The following CCNT1 variants were observed in gnomAD, a reference collection of about 807,000 sequenced individuals.
The protein encoded by CCNT1 is cyclin-T1.
CCNT1 carries 18 observed loss-of-function variants against 67.3 expected under a neutral mutation model. The ratio of observed to expected loss-of-function variants is 0.27; its 90% confidence interval spans 0.18 to 0.40. The LOEUF (loss-of-function observed/expected upper bound fraction) is 0.40. CCNT1 is among the 10% of genes least tolerant of loss of function. The probability of loss-of-function intolerance (pLI) is 1.00; values close to 1 mark genes in which losing one functional copy is unlikely to be tolerated. For synonymous variants in CCNT1, 333 were observed against 310.3 expected, an observed-to-expected ratio of 1.07 and a Z score of -0.77; for missense variants, 744 against 884.9, an observed-to-expected ratio of 0.84 and a Z score of 2.02.
chr12:48,693,269 G>A lies in CCNT1; in HGVS notation c.1945C>T (p.His649Tyr). The change falls in exon 9 of 9, where the codon CAC becomes TAC. Residue 649 changes from histidine (H) to tyrosine (Y), a missense_variant. His to Tyr is a moderately conservative substitution (Grantham distance 83, BLOSUM62 2). Transcript: ENST00000261900. ...TAGTCTATTGTCTGGGTCGTGTTGT[G>A]ACCATTGGCCCCAGTGGGCCCTTTA... Reference protein sequence around the residue: ...LDKGPTGANGHNTTQTIDYQD... With the variant: ...LDKGPTGANGYNTTQTIDYQD... The A allele has an allele frequency of 6.2e-7, 1 of 1,614,222 alleles. No individual in the cohort carries two copies. Among genetic ancestry groups the A allele is most frequent in the Non-Finnish European group, 8.5e-7 (1 of 1,180,038 alleles).
chr12:48,700,738 G>T (rs1460491553), intron 4 of CCNT1, among the ~76,000 whole-genome samples: 3 of 151,560 alleles, frequency 2.0e-5, no homozygotes, highest in African/African-American at 4.9e-5. Context: ...TATAATTTTT[G>T]GGGGTAAAAA....
chr12:48,707,862 A>T (rs1416426892), intron 2 of CCNT1, among the ~76,000 whole-genome samples: 1 of 151,728 alleles, frequency 6.6e-6, no homozygotes, highest in Non-Finnish European at 1.5e-5. Flanking sequence ...ATTCAAGACC[A>T]GCCCGGCCAA....
chr12:48,704,215 CTA>C (rs1164327179), intron 3 of CCNT1, among the ~76,000 whole-genome samples: 1 of 152,150 alleles, frequency 6.6e-6, no homozygotes, highest in Admixed American at 6.5e-5. Flanking sequence ...CTTCAGTTGT[CTA>C]TATAACAGGG....
intron 8 of CCNT1, 115 bp downstream of exon 8, chr12:48,695,644 G>T: frequency 1.5e-6 from 1 of 676,806 alleles, no homozygotes; most frequent in Non-Finnish European, 2.6e-6. Flanking sequence ...TGATTACTGT[G>T]TAACTATAAA....
chr12:48,706,405 A>G (rs1365801642), intron 2 of CCNT1, among the ~76,000 whole-genome samples: 1 of 152,260 alleles, frequency 6.6e-6, no homozygotes, highest in Non-Finnish European at 1.5e-5. Context: ...ACTAAAAACC[A>G]GTGAACTATA....
Position 48,693,809 on chromosome 12 carries a change from C to A in CCNT1, c.1405G>T (p.Gly469Ter). The change falls in exon 9 of 9, where the codon GGA becomes TGA. Residue 469 changes from glycine to a stop codon, truncating the protein, a stop_gained. Transcript: ENST00000261900. LOFTEE classifies it high-confidence loss of function. Reference protein sequence around the residue: ...ALKMRIPVAGGDKAASSKPEE... With the variant: ...ALKMRIPVAG Reference sequence around the variant, plus strand: ...GGTTTTGAAGACGCAGCTTTATCTCCACCTGCCACTGGGATTCTCATTTTG... The same window carrying A: ...GGTTTTGAAGACGCAGCTTTATCTCAACCTGCCACTGGGATTCTCATTTTG... The A allele has an allele frequency of 1.9e-6, 3 of 1,614,064 alleles. No individual in the cohort carries two copies. In the South Asian group the frequency reaches 3.3e-5, roughly 18 times the overall value.
At chr12:48,714,330 C>A in intron 2 of CCNT1, 113 bp downstream of exon 2, 1 of 666,002 alleles carries the variant, frequency 1.5e-6, no homozygotes, top group Non-Finnish European at 2.7e-6. Flanking sequence ...AAGTGATCAA[C>A]CCTAAATTCT....
intron 3 of CCNT1, 82 bp from the exon 4 acceptor site, chr12:48,701,155 A>G: frequency 1.4e-6 from 1 of 698,410 alleles, no homozygotes; most frequent in Admixed American, 2.7e-5. Flanking sequence ...CCTTCCAGGG[A>G]AACCAAAACA....
At chr12:48,696,571 T>G (rs1252810990) in intron 6 of CCNT1, among the ~76,000 whole-genome samples, 1 of 152,180 alleles carries the variant, frequency 6.6e-6, no homozygotes, top group Non-Finnish European at 1.5e-5. Flanking sequence ...TTGTAAGCTT[T>G]TTGGTCTGTG....
intron 6 of CCNT1, among the ~76,000 whole-genome samples, chr12:48,696,616 A>T (rs1940173101): frequency 6.6e-6 from 1 of 152,218 alleles, no homozygotes. Flanking sequence ...GAAATATCTT[A>T]AAAATAATTT....
rs111236913 is a variant in CCNT1, at chr12:48,709,364, C to A, written c.244-3468G>T. On this transcript the variant is annotated intron_variant, in intron 2 of 8. Coordinates refer to ENST00000261900, the MANE Select transcript of CCNT1 (RefSeq NM_001240.4). ...GTGCTGGAAACAATGTATAATCTTTCAGTAGGGCAAACTGACACTACAAAA... is the reference window on the plus strand; with the variant it reads ...GTGCTGGAAACAATGTATAATCTTTAAGTAGGGCAAACTGACACTACAAAA... Among the ~76,000 whole-genome samples the A allele has an allele frequency of 2.6e-3, 395 of 152,244 alleles. 4 individuals carry two copies. Among genetic ancestry groups the A allele is most frequent in the Middle Eastern group, 0.014 (4 of 294 alleles).
chr12:48,699,919 G>T, intron 4 of CCNT1, 79 bp from the exon 5 acceptor site: 1 of 838,868 alleles, frequency 1.2e-6, no homozygotes. Flanking sequence ...ATAACTGATT[G>T]TAAATTACAC....
intron 1 of CCNT1, among the ~76,000 whole-genome samples, 199 bp from the exon 2 acceptor site, chr12:48,714,723 C>T (rs1015624653): frequency 1.3e-5 from 2 of 152,204 alleles, no homozygotes; most frequent in Non-Finnish European, 2.9e-5. Flanking sequence ...TAGCACAATG[C>T]CTTACACATA....
At position 48,693,274 on chromosome 12, in the gene CCNT1, T is replaced by C. The variant is rs747855198; in HGVS notation, c.1940A>G (p.Asn647Ser). 1.7e-5 allele frequency: 28 copies of C among 1,614,132 alleles called. No homozygotes were observed. The highest frequency in any genetic ancestry group is 5.3e-5 in the African/African-American group (4 of 74,948). ...SKLDKGPTGA[N>S]GHNTTQTIDY... ...TATTGTCTGGGTCGTGTTGTGACCA[T>C]TGGCCCCAGTGGGCCCTTTATCCAG... The change falls in exon 9 of 9, where the codon AAT becomes AGT. Residue 647 changes from asparagine to serine, a missense_variant. Around this residue, in one of 3 missense-constraint regions of CCNT1, gnomAD observed 564 missense variants for 574.2 expected, o/e 0.98. Coordinates refer to ENST00000261900, the MANE Select transcript of CCNT1 (RefSeq NM_001240.4).
chr12:48,706,603 A>G (rs1940364144), intron 2 of CCNT1, among the ~76,000 whole-genome samples: 1 of 152,222 alleles, frequency 6.6e-6, no homozygotes, highest in African/African-American at 2.4e-5. Context: ...GCAATATGAC[A>G]TAAATGTAGC....
At chr12:48,705,401 G>A (rs1378574542) in intron 3 of CCNT1, among the ~76,000 whole-genome samples, 1 of 151,786 alleles carries the variant, frequency 6.6e-6, no homozygotes, top group East Asian at 1.9e-4. Context: ...CAAAGTGCTG[G>A]GATTACAGGC....
Position 48,689,274 on chromosome 12 carries a change from G to A in CCNT1, c.*3759C>T, listed in dbSNP as rs1156699532. 6.6e-6 allele frequency: 1 copy of A among 152,110 alleles called. No homozygotes were observed. The highest frequency in any genetic ancestry group is 1.5e-5 in the Non-Finnish European group (1 of 68,036). The allele number at this position is 152,110 out of a possible 1,614,324, so 9.4% of individuals were successfully genotyped here. Reference sequence around the variant, plus strand: ...TGAAAAACTTTAGAAACATTAAAATGGAGAACTCTCTCACCCAAAAAGTAA... The same window carrying A: ...TGAAAAACTTTAGAAACATTAAAATAGAGAACTCTCTCACCCAAAAAGTAA... On this transcript the variant is annotated 3_prime_UTR_variant, in exon 9 of 9. Coordinates refer to ENST00000261900, the MANE Select transcript of CCNT1 (RefSeq NM_001240.4).
chr12:48,706,029 C>T (rs954484683), intron 2 of CCNT1, 133 bp from the exon 3 acceptor site: 25 of 722,950 alleles, frequency 3.5e-5, no homozygotes, highest in Admixed American at 6.4e-5. Flanking sequence ...TACCCTTTCC[C>T]GCCCCCCCGC....
At chr12:48,707,722 T>C (rs181249463) in intron 2 of CCNT1, among the ~76,000 whole-genome samples, 5 of 147,656 alleles carry the variant, frequency 3.4e-5, no homozygotes, top group Admixed American at 3.3e-4. Flanking sequence ...GAAGGAGTAA[T>C]CTGATGGTAG....
Sources: allele counts gnomAD v4.1 joint callset (sites outside exome capture counted in the v4.1 genomes callset), GRCh38; gene constraint gnomAD v4.1.1; regional missense constraint gnomAD v4.1.1; transcripts MANE v1.5; gene names NCBI Gene and HGNC (gene_info 2026-07-23, HGNC 2026-07-21).